GPATCH8: variants seen among roughly 807,000 people sequenced by gnomAD.
The protein encoded by GPATCH8 is G patch domain-containing protein 8.
A neutral mutation model predicts 118.3 loss-of-function variants in GPATCH8; 18 were observed. The ratio of observed to expected loss-of-function variants is 0.15; its 90% CI spans 0.11 to 0.23. GPATCH8 has a LOEUF of 0.23. Among genes scored for constraint, GPATCH8 ranks in the 10% least tolerant of loss-of-function variants. The probability of loss-of-function intolerance (pLI) is 1.00; values close to 1 mark genes in which losing one functional copy is unlikely to be tolerated. For synonymous variants in GPATCH8, 659 were observed against 684.7 expected, an observed-to-expected ratio of 0.96 and a Z score of 0.59; for missense variants, 1,631 against 1,873.8, an observed-to-expected ratio of 0.87 and a Z score of 2.39.
Position 44,461,119 on chromosome 17 carries a change from C to T in GPATCH8, c.193+3353G>A, listed in dbSNP as rs142378690. Among the ~76,000 whole-genome samples the T allele has an allele frequency of 1.2e-4, 19 of 152,268 alleles. No homozygotes were observed. The East Asian group carries it at 2.9e-3, about 23-fold the overall frequency. On this transcript the variant is annotated intron_variant, in intron 3 of 7. Transcript: ENST00000591680. Reference sequence around the variant, plus strand: ...TATACTTCACATACACAACTGTACACTTAAAAATGATTAAGATGCTAAATT... The same window carrying T: ...TATACTTCACATACACAACTGTACATTTAAAAATGATTAAGATGCTAAATT...
chr17:44,467,115 C>T, intron 2 of GPATCH8: 2 of 1,257,870 alleles, frequency 1.6e-6, no homozygotes, highest in Non-Finnish European at 2.1e-6. Context: ...AAAAACTGGG[C>T]TGTCAAAAGA....
intron 3 of GPATCH8, among the ~76,000 whole-genome samples, chr17:44,447,921 T>G (rs2050946933): frequency 6.6e-6 from 1 of 152,210 alleles, no homozygotes; most frequent in Non-Finnish European, 1.5e-5. Context: ...GTCTTCCTTT[T>G]ATTTCCAAAT....
chr17:44,499,456 C>T (rs993835037), intron 1 of GPATCH8, among the ~76,000 whole-genome samples: 2 of 152,050 alleles, frequency 1.3e-5, no homozygotes, highest in Non-Finnish European at 2.9e-5. Context: ...GCAACAAGAG[C>T]GAAACTCCAT....
intron 1 of GPATCH8, among the ~76,000 whole-genome samples, chr17:44,487,172 C>T (rs960585782): frequency 5.3e-5 from 8 of 152,272 alleles, no homozygotes; most frequent in African/African-American, 1.7e-4. Context: ...ATTTTCTTCC[C>T]CTCAAACTCC....
intron 5 of GPATCH8, among the ~76,000 whole-genome samples, chr17:44,434,511 C>T (rs971148488): frequency 2.6e-5 from 4 of 152,214 alleles, no homozygotes; most frequent in African/African-American, 9.6e-5. Context: ...CAAGACCAGC[C>T]TGGCCAACAT....
chr17:44,430,242 A>G (rs1199193843), intron 5 of GPATCH8, among the ~76,000 whole-genome samples: 3 of 152,208 alleles, frequency 2.0e-5, no homozygotes, highest in Non-Finnish European at 4.4e-5. Context: ...CTACAGACTA[A>G]TATCTTTTCT....
Position 44,399,616 on chromosome 17 carries a change from C to G in GPATCH8, c.2461G>C (p.Asp821His), listed in dbSNP as rs756697329. ...SQPSSGDEDS[D>H]DASSHRLHQK... ...TGCAGCCGGTGTGAGGAAGCATCAT[C>G]ACTATCCTCATCTCCACTACTGGGT... Residue 821 changes from aspartate (D) to histidine (H), a missense_variant, in exon 8 of 8, where the codon GAT (aspartate) becomes CAT (histidine). Transcript: ENST00000591680. The G allele has an allele frequency of 7.2e-5, 117 of 1,614,090 alleles. No individual in the cohort carries two copies. Among genetic ancestry groups the G allele is most frequent in the Admixed American group, 1.0e-4 (6 of 60,006 alleles).
chr17:44,485,561 G>T (rs1259753273), intron 1 of GPATCH8, among the ~76,000 whole-genome samples: 2 of 152,110 alleles, frequency 1.3e-5, no homozygotes, highest in Non-Finnish European at 2.9e-5. Context: ...CAAAGTGCTG[G>T]GATTCCTGCT....
At chr17:44,414,089 A>ATATATATATGTGTG (rs1284642458) in intron 6 of GPATCH8, among the ~76,000 whole-genome samples, 3 of 136,626 alleles carry the variant, frequency 2.2e-5, no homozygotes, top group Admixed American at 1.6e-4. Context: ...ATGTGTGTGT[A>ATATATATATGTGTG]TATATATATA....
At chr17:44,453,305 G>A (rs181232821) in intron 3 of GPATCH8, among the ~76,000 whole-genome samples, 1 of 152,256 alleles carries the variant, frequency 6.6e-6, no homozygotes, top group Non-Finnish European at 1.5e-5. Context: ...TTTACTGGTT[G>A]CTTACCCTTG....
At position 44,400,382 on chromosome 17, in the gene GPATCH8, A is replaced by T. The variant is rs2048970771; in HGVS notation, c.1695T>A (p.Ile565=). The T allele has an allele frequency of 1.2e-6, 2 of 1,613,742 alleles. No homozygotes were observed. Among genetic ancestry groups the T allele is most frequent in the African/African-American group, 2.7e-5 (2 of 75,022 alleles). ...LLIFTKAEPS[I]SYSCNPLYFD... ...AATATAAAGGGTTACAACTGTATGAAATGGAGGGTTCTGCCTTGGTGAAAA... is the reference window on the plus strand; with the variant it reads ...AATATAAAGGGTTACAACTGTATGATATGGAGGGTTCTGCCTTGGTGAAAA... Residue 565 remains isoleucine, a synonymous_variant, in exon 8 of 8, where the codon ATT becomes ATA. Transcript: ENST00000591680.
At chr17:44,485,259 A>G (rs1345787732) in intron 1 of GPATCH8, among the ~76,000 whole-genome samples, 5 of 152,078 alleles carry the variant, frequency 3.3e-5, no homozygotes, top group African/African-American at 1.2e-4. Context: ...GCAAGCCACC[A>G]CACCCGTCTA....
Position 44,396,399 on chromosome 17 carries a change from C to T in GPATCH8, c.*1169G>A. 2.2e-6 allele frequency: 1 copy of T among 454,392 alleles called. No individual in the cohort carries two copies. 28.1% of individuals were successfully genotyped at this position (454,392 alleles called of 1,614,324 possible). ...CTCAGAAGCCCCCAGCTGACTGCTG[C>T]CCATTAGCTCAAAAATCCCAATACT... On this transcript the variant is annotated 3_prime_UTR_variant, in exon 8 of 8. Coordinates refer to ENST00000591680, the MANE Select transcript of GPATCH8 (RefSeq NM_001002909.4).
chr17:44,432,892 G>A (rs1255807210), intron 5 of GPATCH8, among the ~76,000 whole-genome samples: 2 of 152,142 alleles, frequency 1.3e-5, no homozygotes, highest in African/African-American at 4.8e-5. Context: ...AGGCTGGAGT[G>A]CAGTGGTGTG....
intron 6 of GPATCH8, among the ~76,000 whole-genome samples, chr17:44,421,940 TG>T (rs890862874): frequency 6.6e-6 from 1 of 151,836 alleles, no homozygotes; most frequent in Non-Finnish European, 1.5e-5. Context: ...TTGGCCAGGC[TG>T]GTCTCGAATT....
At chr17:44,408,237 GCAGTGGT>G (rs2049304542) in intron 6 of GPATCH8, among the ~76,000 whole-genome samples, 1 of 94,462 alleles carries the variant, frequency 1.1e-5, no homozygotes, top group Admixed American at 1.1e-4. Flanking sequence ...AGGCTGGAGT[GCAGTGGT>G]GTGTGATCTT....
intron 1 of GPATCH8, among the ~76,000 whole-genome samples, chr17:44,483,642 T>C (rs931975735): frequency 1.8e-4 from 26 of 146,054 alleles, no homozygotes; most frequent in African/African-American, 7.3e-4. Context: ...AGAAATTTAC[T>C]TTATTTTTTA....
intron 1 of GPATCH8, among the ~76,000 whole-genome samples, chr17:44,487,869 G>A (rs2144449199): frequency 6.6e-6 from 1 of 151,780 alleles, no homozygotes; most frequent in Middle Eastern, 3.5e-3. Context: ...AGCAAAATAT[G>A]AGGGAGTTGA....
At chr17:44,475,770 A>T (rs1967716653) in intron 1 of GPATCH8, among the ~76,000 whole-genome samples, 1 of 152,166 alleles carries the variant, frequency 6.6e-6, no homozygotes. Flanking sequence ...TCACACCTGT[A>T]ATCCCAGCAC....
Sources: allele counts gnomAD v4.1 joint callset (sites outside exome capture counted in the v4.1 genomes callset), GRCh38; gene constraint gnomAD v4.1.1; transcripts MANE v1.5; gene names NCBI Gene and HGNC (gene_info 2026-07-23, HGNC 2026-07-21).